The following RFX3 variants were observed in gnomAD, a reference collection of about 807,000 sequenced individuals.
RFX3 encodes the protein regulatory factor X3, also known as transcription factor RFX3.
Under a neutral mutation model 98.6 loss-of-function variants are expected in RFX3, and 14 were observed. The observed-to-expected ratio is 0.14, with a 90% CI of 0.09 to 0.22. The LOEUF is 0.22. RFX3 is among the 10% of genes least tolerant of loss of function. The pLI is 1.00. For synonymous variants in RFX3, 383 were observed against 328.4 expected (o/e 1.17, Z -1.80); for missense variants, 639 against 926.9 (o/e 0.69, Z 4.03).
chr9:3,367,591 CAG>C (rs1837355360), intron 2 of RFX3, among the ~76,000 whole-genome samples: 1 of 152,182 alleles, frequency 6.6e-6, no homozygotes, highest in Admixed American at 6.5e-5. Context: ...CTAATCCAGA[CAG>C]AGTCCAAAGG....
intron 2 of RFX3, among the ~76,000 whole-genome samples, chr9:3,364,004 T>G (rs1386472905): frequency 6.6e-6 from 1 of 152,194 alleles, no homozygotes; most frequent in Non-Finnish European, 1.5e-5. Flanking sequence ...GCCTTCTGAG[T>G]AGCTGGGACC....
At chr9:3,397,604 A>C (rs1236663387) in intron 1 of RFX3, among the ~76,000 whole-genome samples, 1 of 152,212 alleles carries the variant, frequency 6.6e-6, no homozygotes, top group African/African-American at 2.4e-5. Flanking sequence ...AGACTTGTTC[A>C]AGGTGACAGG....
chr9:3,472,467 T>C (rs905647751), intron 1 of RFX3, among the ~76,000 whole-genome samples: 1 of 152,194 alleles, frequency 6.6e-6, no homozygotes, highest in African/African-American at 2.4e-5. Flanking sequence ...AAAATTTATG[T>C]AATAATTATT....
intron 1 of RFX3, among the ~76,000 whole-genome samples, chr9:3,396,703 C>T (rs935811433): frequency 2.0e-5 from 3 of 152,258 alleles, no homozygotes; most frequent in South Asian, 2.1e-4. Flanking sequence ...CCAGCACCTG[C>T]TGTTTCCTGA....
chr9:3,291,539 C>G (rs1827356778), intron 6 of RFX3, among the ~76,000 whole-genome samples: 1 of 152,172 alleles, frequency 6.6e-6, no homozygotes, highest in Non-Finnish European at 1.5e-5. Context: ...GAACTATCCA[C>G]TTCATCAGAC....
chr9:3,377,903 T>A (rs1252661573), intron 2 of RFX3, among the ~76,000 whole-genome samples: 2 of 152,214 alleles, frequency 1.3e-5, no homozygotes, highest in African/African-American at 4.8e-5. Flanking sequence ...TCTGAATTTT[T>A]TTATTATGTT....
intron 1 of RFX3, among the ~76,000 whole-genome samples, chr9:3,453,188 C>A (rs1296517104): frequency 6.6e-6 from 1 of 151,998 alleles, no homozygotes; most frequent in Non-Finnish European, 1.5e-5. Flanking sequence ...TAGACGAGAT[C>A]TGATTAATCA....
At position 3,303,052 on chromosome 9, in the gene RFX3, GACA is replaced by G. The variant is rs368910544; in HGVS notation, c.475-1435_475-1433del. ...TTTATCCTACTGTTAACTTTTTTTA[GACA>G]ACAAAATTAAGTAAACTTCTTAATC... On this transcript the variant is annotated intron_variant, in intron 4 of 16. Coordinates refer to ENST00000617270, the MANE Select transcript of RFX3 (RefSeq NM_001282116.2). Among the ~76,000 whole-genome samples, 355 of 151,680 alleles carry G rather than the reference GACA, an allele frequency of 2.3e-3. 2 individuals carry two copies. The highest frequency in any genetic ancestry group is 8.2e-3 in the African/African-American group (339 of 41,436).
chr9:3,435,019 C>A (rs745818105), intron 1 of RFX3, among the ~76,000 whole-genome samples: 1 of 151,356 alleles, frequency 6.6e-6, no homozygotes, highest in Non-Finnish European at 1.5e-5. Context: ...AGAAAAGGTA[C>A]AGTAAAAATA....
chr9:3,392,103 A>C (rs1490016051), intron 2 of RFX3, among the ~76,000 whole-genome samples: 1 of 152,208 alleles, frequency 6.6e-6, no homozygotes, highest in Non-Finnish European at 1.5e-5. Flanking sequence ...AGGGTTCTTA[A>C]TTAAAAAGCC....
At chr9:3,434,792 C>T (rs886392824) in intron 1 of RFX3, among the ~76,000 whole-genome samples, 2 of 151,982 alleles carry the variant, frequency 1.3e-5, no homozygotes, top group Non-Finnish European at 2.9e-5. Context: ...TGCTTAACAA[C>T]AGGGATATGT....
chr9:3,340,979 C>A (rs1242745174), intron 3 of RFX3, among the ~76,000 whole-genome samples: 1 of 152,140 alleles, frequency 6.6e-6, no homozygotes, highest in Admixed American at 6.5e-5. Flanking sequence ...GCACTATTCA[C>A]AATAGCAAAC....
chr9:3,329,419 AAAAAAAAAAC>A (rs1030125415), intron 4 of RFX3, among the ~76,000 whole-genome samples: 1 of 150,082 alleles, frequency 6.7e-6, no homozygotes, highest in African/African-American at 2.5e-5. Flanking sequence ...AAAAAAAAAA[AAAAAAAAAAC>A]AAAAAACCAC....
intron 1 of RFX3, among the ~76,000 whole-genome samples, chr9:3,424,508 C>T (rs951741554): frequency 1.3e-5 from 2 of 151,272 alleles, no homozygotes; most frequent in East Asian, 2.0e-4. Flanking sequence ...ACTACAGGCG[C>T]CCGCCACCGC....
intron 1 of RFX3, among the ~76,000 whole-genome samples, chr9:3,503,816 A>C (rs1816311678): frequency 6.6e-6 from 1 of 152,040 alleles, no homozygotes; most frequent in Non-Finnish European, 1.5e-5. Context: ...AACACTGAAG[A>C]GCATTTTTAT....
At chr9:3,275,397 T>C (rs1825076292) in intron 9 of RFX3, 103 bp downstream of exon 9, 2 of 625,546 alleles carry the variant, frequency 3.2e-6, no homozygotes, top group Non-Finnish European at 2.9e-6. Flanking sequence ...AAAGAATTAG[T>C]GCTAAGTTCA....
intron 1 of RFX3, among the ~76,000 whole-genome samples, chr9:3,395,854 G>C (rs1840804290): frequency 6.6e-6 from 1 of 152,040 alleles, no homozygotes; most frequent in Admixed American, 6.6e-5. Context: ...TTCATTGAAA[G>C]CTACCTTCTA....
At chr9:3,381,280 T>C (rs1839164561) in intron 2 of RFX3, among the ~76,000 whole-genome samples, 1 of 152,156 alleles carries the variant, frequency 6.6e-6, no homozygotes, top group South Asian at 2.1e-4. Flanking sequence ...AATTATGTTA[T>C]TAATGGTCGT....
At chr9:3,297,290 T>C (rs1362047160) in intron 5 of RFX3, among the ~76,000 whole-genome samples, 2 of 152,032 alleles carry the variant, frequency 1.3e-5, no homozygotes, top group Admixed American at 6.6e-5. Context: ...TAAAATACCA[T>C]AGGAATGATT....
Sources: allele counts gnomAD v4.1 joint callset (sites outside exome capture counted in the v4.1 genomes callset), GRCh38; gene constraint gnomAD v4.1.1; transcripts MANE v1.5; gene names NCBI Gene and HGNC (gene_info 2026-07-23, HGNC 2026-07-21).